Variants in PTAR1 observed in about 807,000 individuals in gnomAD.
PTAR1 encodes the protein protein prenyltransferase alpha subunit repeat containing 1, also known as protein prenyltransferase alpha subunit repeat-containing protein 1.
In PTAR1, 17 loss-of-function variants were observed where a neutral mutation model predicts 45.5. The ratio of observed to expected loss-of-function variants is 0.37; its 90% CI spans 0.26 to 0.56. The LOEUF (loss-of-function observed/expected upper bound fraction) is 0.56, where lower values mean the gene tolerates loss of function less well. Among genes scored for constraint, PTAR1 ranks in the 20% least tolerant of loss-of-function variants. The pLI, the probability that PTAR1 is intolerant of heterozygous loss-of-function variation, is 0.77. For synonymous variants in PTAR1, 169 were observed against 171.3 expected (o/e 0.99, Z 0.11); for missense variants, 391 against 476.3 (o/e 0.82, Z 1.67).
chr9:69,732,870 T>C (rs1385918180), intron 4 of PTAR1, among the ~76,000 whole-genome samples: 1 of 152,192 alleles, frequency 6.6e-6, no homozygotes, highest in Non-Finnish European at 1.5e-5. Flanking sequence ...GTAACAAATA[T>C]AATTCATTAA....
At position 69,716,935 on chromosome 9, in the gene PTAR1, T is replaced by C. The variant is rs145507872; in HGVS notation, c.*1407A>G. On this transcript the variant is annotated 3_prime_UTR_variant, in exon 8 of 8. Transcript: ENST00000340434. ...AAAGTGACAAAAAATACGTAATGGA[T>C]TGGCAAAACAAAGTATATGAAAAGA... is the stretch of plus-strand genomic sequence containing the variant. 7.5e-4 allele frequency: 114 copies of C among 152,152 alleles called. No individual in the cohort carries two copies. Among genetic ancestry groups the C allele is most frequent in the African/African-American group, 2.1e-3 (88 of 41,506 alleles). The allele number at this position is 152,152 out of a possible 1,614,324, so 9.4% of individuals were successfully genotyped here.
intron 2 of PTAR1, among the ~76,000 whole-genome samples, chr9:69,748,136 C>T (rs1826356046): frequency 6.6e-6 from 1 of 151,966 alleles, no homozygotes; most frequent in South Asian, 2.1e-4. Context: ...ATAATGAAGG[C>T]CTGGTCAGCC....
At chr9:69,752,048 TTTAA>T (rs979614273) in intron 1 of PTAR1, among the ~76,000 whole-genome samples, 22 of 151,940 alleles carry the variant, frequency 1.4e-4, no homozygotes, top group African/African-American at 5.3e-4. Flanking sequence ...ATGTCCTCTG[TTTAA>T]TTAATGAATA....
At chr9:69,738,811 T>C (rs1366801317) in intron 3 of PTAR1, among the ~76,000 whole-genome samples, 1 of 57,030 alleles carries the variant, frequency 1.8e-5, no homozygotes, top group Non-Finnish European at 4.6e-5. Context: ...ACACCTCAAT[T>C]TTTTTTTTTT....
chr9:69,722,605 C>T (rs1475094219), intron 6 of PTAR1, among the ~76,000 whole-genome samples: 1 of 151,782 alleles, frequency 6.6e-6, no homozygotes, highest in East Asian at 1.9e-4. Flanking sequence ...AATCTCAATC[C>T]TGACTGTGCA....
In PTAR1 at chr9:69,717,723, T is replaced by C. The variant is rs946422128; in HGVS notation, c.*619A>G. 7 of 152,220 alleles carry C rather than the reference T, an allele frequency of 4.6e-5. No homozygotes were observed. The highest frequency in any genetic ancestry group is 3.3e-4 in the Admixed American group (5 of 15,280). 9.4% of individuals were successfully genotyped at this position (152,220 alleles called of 1,614,324 possible). ...GCAACATAAATGTTTATTTTCAATT[T>C]GTTTTAGAGACAGGGTCTCAACTCT... On this transcript the variant is annotated 3_prime_UTR_variant, in exon 8 of 8. Coordinates refer to ENST00000340434, the MANE Select transcript of PTAR1 (RefSeq NM_001099666.2).
chr9:69,738,345 T>G (rs1336694064), intron 3 of PTAR1, among the ~76,000 whole-genome samples: 1 of 152,196 alleles, frequency 6.6e-6, no homozygotes, highest in African/African-American at 2.4e-5. Flanking sequence ...TCACTACTTT[T>G]TGCAAGAAAG....
chr9:69,740,605 A>G (rs1452420193), intron 3 of PTAR1, among the ~76,000 whole-genome samples: 1 of 151,498 alleles, frequency 6.6e-6, no homozygotes, highest in Non-Finnish European at 1.5e-5. Flanking sequence ...TGCAAACTGC[A>G]TGTCTATTAT....
At chr9:69,752,772 G>C (rs1341216981) in intron 1 of PTAR1, among the ~76,000 whole-genome samples, 1 of 152,010 alleles carries the variant, frequency 6.6e-6, no homozygotes, top group Non-Finnish European at 1.5e-5. Context: ...GGACAAAGCT[G>C]AAAGAGCACC....
rs1824470841 is a variant in PTAR1 at position 69,710,166 on chromosome 9, C to T, written c.*8176G>A. 1 of 151,962 alleles carries T rather than the reference C, an allele frequency of 6.6e-6. No homozygotes were observed. The highest frequency in any genetic ancestry group is 1.5e-5 in the Non-Finnish European group (1 of 67,974). The allele number at this position is 151,962 out of a possible 1,614,324, so 9.4% of individuals were successfully genotyped here. Reference sequence around the variant, plus strand: ...AATCTGTACTGTCCAGTATAGTAGCCCTTAGCCATATGTGACTACTGAGCA... The same window carrying T: ...AATCTGTACTGTCCAGTATAGTAGCTCTTAGCCATATGTGACTACTGAGCA... On this transcript the variant is annotated 3_prime_UTR_variant, in exon 8 of 8. Coordinates refer to ENST00000340434, the MANE Select transcript of PTAR1 (RefSeq NM_001099666.2).
At chr9:69,740,158 G>C (rs1017161869) in intron 3 of PTAR1, among the ~76,000 whole-genome samples, 12 of 151,732 alleles carry the variant, frequency 7.9e-5, no homozygotes, top group African/African-American at 2.9e-4. Flanking sequence ...TGGTTTATAG[G>C]ATATACAATG....
chr9:69,753,494 G>A (rs1826625583), intron 1 of PTAR1, among the ~76,000 whole-genome samples: 2 of 152,046 alleles, frequency 1.3e-5, no homozygotes, highest in South Asian at 4.1e-4. Context: ...AGTCCTGGAT[G>A]GAAATAGATA....
At chr9:69,753,181 T>G (rs776038127) in intron 1 of PTAR1, among the ~76,000 whole-genome samples, 2 of 152,058 alleles carry the variant, frequency 1.3e-5, no homozygotes, top group Non-Finnish European at 2.9e-5. Context: ...AAAACCTGTC[T>G]TGCTCACTAA....
Position 69,750,838 on chromosome 9 carries a change from A to G in PTAR1, c.199T>C (p.Tyr67His), listed in dbSNP as rs780123925. Residue 67 changes from tyrosine (Y) to histidine (H), a missense_variant, in exon 2 of 8, where the codon TAT (tyrosine) becomes CAT (histidine). This residue lies in a region of PTAR1 where 152 missense variants were observed against 160.0 expected (regional missense o/e 0.95). Coordinates refer to ENST00000340434, the MANE Select transcript of PTAR1 (RefSeq NM_001099666.2). ...ESWCVKFLLPYVHNKLLLYRT... is the reference protein window; with the variant it reads ...ESWCVKFLLPHVHNKLLLYRT... ...TACAAAAGGAGCTTGTTGTGGACAT[A>G]TGGTAAAAGGAACTTGACACACCAG... The G allele has an allele frequency of 1.9e-6, 3 of 1,611,548 alleles. No individual in the cohort carries two copies. The South Asian group carries it at 3.3e-5, about 18-fold the overall frequency.
intron 5 of PTAR1, among the ~76,000 whole-genome samples, chr9:69,728,877 T>G (rs7850854): frequency 0.17 from 25,863 of 152,148 alleles, 2,467 homozygotes; most frequent in East Asian, 0.27. Context: ...AAAACAAATA[T>G]ATGCTTTTAT....
chr9:69,737,617 T>C (rs1023432889), intron 3 of PTAR1, among the ~76,000 whole-genome samples: 5 of 152,188 alleles, frequency 3.3e-5, no homozygotes, highest in Admixed American at 2.0e-4. Flanking sequence ...CTGACTACTC[T>C]TTTTCTTTTC....
intron 1 of PTAR1, among the ~76,000 whole-genome samples, chr9:69,754,192 C>T (rs893547833): frequency 2.0e-5 from 3 of 152,138 alleles, no homozygotes; most frequent in Non-Finnish European, 1.5e-5. Context: ...AATAGGATTC[C>T]TTCCAAAATC....
intron 1 of PTAR1, among the ~76,000 whole-genome samples, chr9:69,759,455 C>G (rs1826971813): frequency 6.6e-6 from 1 of 152,104 alleles, no homozygotes; most frequent in African/African-American, 2.4e-5. Context: ...TGCCAACGTC[C>G]GGGATGAATC....
chr9:69,733,693 T>C (rs1021541683), intron 4 of PTAR1, among the ~76,000 whole-genome samples: 1 of 152,192 alleles, frequency 6.6e-6, no homozygotes, highest in Admixed American at 6.5e-5. Flanking sequence ...TTAATTTTAA[T>C]AACCACAACC....
Sources: allele counts gnomAD v4.1 joint callset (sites outside exome capture counted in the v4.1 genomes callset), GRCh38; gene constraint gnomAD v4.1.1; regional missense constraint gnomAD v4.1.1; transcripts MANE v1.5; gene names NCBI Gene and HGNC (gene_info 2026-07-23, HGNC 2026-07-21).